Variants in SFI1 observed in about 807,000 individuals in gnomAD.
SFI1 encodes the protein protein SFI1 homolog.
A neutral mutation model predicts 207.5 loss-of-function variants in SFI1; 195 were observed. The observed-to-expected ratio is 0.94, with a 90% CI of 0.84 to 1.06. The LOEUF is 1.06. SFI1 is among the 50% of genes least tolerant of loss of function. SFI1 has a pLI of 0.00. For synonymous variants in SFI1, 630 were observed against 598.9 expected, an observed-to-expected ratio of 1.05 and a Z score of -0.76; for missense variants, 1,634 against 1,588.0, an observed-to-expected ratio of 1.03 and a Z score of -0.49.
chr22:31,551,745 A>G lies in SFI1; in HGVS notation c.544+1397A>G, dbSNP rs138267306. ...TGTGCCTGGCCTTAAGTTTAATTCTATAAGAAACTGGCAAGGTTTTTTATC... is the reference window on the plus strand; with the variant it reads ...TGTGCCTGGCCTTAAGTTTAATTCTGTAAGAAACTGGCAAGGTTTTTTATC... On this transcript the variant is annotated intron_variant, in intron 6 of 32. Transcript: ENST00000400288. Among the ~76,000 whole-genome samples the G allele has an allele frequency of 3.1e-3, 474 of 152,274 alleles. 1 individual carries two copies. Among genetic ancestry groups the G allele is most frequent in the Non-Finnish European group, 5.1e-3 (348 of 68,020 alleles).
At chr22:31,567,101 T>C (rs542667123) in intron 8 of SFI1, among the ~76,000 whole-genome samples, 1 of 152,244 alleles carries the variant, frequency 6.6e-6, no homozygotes, top group South Asian at 2.1e-4. Context: ...GAGACGGGGT[T>C]TCACCGTGTT....
chr22:31,548,349 C>T (rs569638614), intron 5 of SFI1, among the ~76,000 whole-genome samples: 3 of 151,900 alleles, frequency 2.0e-5, no homozygotes, highest in South Asian at 2.1e-4. Context: ...GCGGGTGGAT[C>T]ACTTGACGTT....
chr22:31,614,734 A>AC (rs748141654), intron 27 of SFI1, 55 bp from the exon 28 acceptor site: 6 of 1,586,208 alleles, frequency 3.8e-6, no homozygotes, highest in Non-Finnish European at 4.3e-6. Flanking sequence ...GAGATCTCAG[A>AC]CCCCCCTGCA....
rs2071546527 is a variant in SFI1 at position 31,616,641 on chromosome 22, C to T, written c.3301-104C>T. The T allele has an allele frequency of 4.7e-6, 6 of 1,289,892 alleles. No homozygotes were observed. The Admixed American group carries it at 7.8e-5, about 17-fold the overall frequency. The allele number at this position is 1,289,892 out of a possible 1,614,324, so 79.9% of individuals were successfully genotyped here. On this transcript the variant is annotated intron_variant, in intron 29 of 32. Coordinates refer to ENST00000400288, the MANE Select transcript of SFI1 (RefSeq NM_001007467.3). Reference sequence around the variant, plus strand: ...CAGCTCCTGCAGCTGGGAGCCTGGTCTTCCCCCACCCCTGCAGGGCAGGCA... The same window carrying T: ...CAGCTCCTGCAGCTGGGAGCCTGGTTTTCCCCCACCCCTGCAGGGCAGGCA...
At chr22:31,611,624 T>C (rs2147260821) in intron 23 of SFI1, 142 bp from the exon 24 acceptor site, 5 of 846,508 alleles carry the variant, frequency 5.9e-6, no homozygotes, top group South Asian at 1.8e-5. Context: ...TCCCTGCCTA[T>C]GCAGGAGACC....
chr22:31,500,041 C>G (rs1002859494), intron 1 of SFI1, among the ~76,000 whole-genome samples: 4 of 149,824 alleles, frequency 2.7e-5, no homozygotes, highest in Non-Finnish European at 5.9e-5. Flanking sequence ...CAGTATAATC[C>G]TGCATTACAG....
At chr22:31,585,399 C>G (rs1009464793) in intron 14 of SFI1, among the ~76,000 whole-genome samples, 6 of 152,186 alleles carry the variant, frequency 3.9e-5, no homozygotes, top group Admixed American at 3.9e-4. Flanking sequence ...CATCTTTACT[C>G]AAATTCATTT....
intron 2 of SFI1, 49 bp downstream of exon 2, chr22:31,508,425 A>G (rs780172783): frequency 3.1e-6 from 4 of 1,308,070 alleles, no homozygotes; most frequent in Admixed American, 3.7e-5. Context: ...GATGGTTCAT[A>G]TAAAACTAAA....
chr22:31,547,836 C>G (rs1423335507), intron 5 of SFI1, among the ~76,000 whole-genome samples: 3 of 151,176 alleles, frequency 2.0e-5, no homozygotes, highest in Non-Finnish European at 4.4e-5. Flanking sequence ...TCTCAATCTC[C>G]TGACCTCAGG....
intron 4 of SFI1, among the ~76,000 whole-genome samples, chr22:31,544,044 C>T (rs1214886824): frequency 4.6e-5 from 7 of 152,006 alleles, no homozygotes; most frequent in Non-Finnish European, 7.4e-5. Context: ...AAAAAATTAG[C>T]TCGTTTGGGT....
chr22:31,607,927 C>T lies in SFI1; in HGVS notation c.2158-10C>T, dbSNP rs202117749. 1.2e-6 allele frequency: 2 copies of T among 1,613,224 alleles called. No homozygotes were observed. Among genetic ancestry groups the T allele is most frequent in the Non-Finnish European group, 1.7e-6 (2 of 1,179,302 alleles). ...TAGTGACTCTTGCTGTGCTCCTTGCCTGCCCATAGGTCCTGGTCCAGTGGC... is the reference window on the plus strand; with the variant it reads ...TAGTGACTCTTGCTGTGCTCCTTGCTTGCCCATAGGTCCTGGTCCAGTGGC... On this transcript the variant is annotated splice_polypyrimidine_tract_variant and intron_variant, in intron 21 of 32. Coordinates refer to ENST00000400288, the MANE Select transcript of SFI1 (RefSeq NM_001007467.3).
chr22:31,574,260 G>A (rs2063248662), intron 9 of SFI1, among the ~76,000 whole-genome samples: 1 of 152,200 alleles, frequency 6.6e-6, no homozygotes, highest in Non-Finnish European at 1.5e-5. Flanking sequence ...TATGTTCATT[G>A]GAGGATAGTG....
chr22:31,568,698 C>G (rs1201527772), intron 8 of SFI1, among the ~76,000 whole-genome samples: 1 of 151,810 alleles, frequency 6.6e-6, no homozygotes, highest in African/African-American at 2.4e-5. Flanking sequence ...AGACAAGATA[C>G]ACCTAGGACT....
chr22:31,613,961 G>A (rs546109383), intron 27 of SFI1, 106 bp downstream of exon 27: 97 of 1,390,668 alleles, frequency 7.0e-5, no homozygotes, highest in Non-Finnish European at 8.2e-5. Context: ...GGCTGGTCAC[G>A]GCCTTGTCAC....
chr22:31,546,836 AT>A, intron 4 of SFI1, 24 bp from the exon 5 acceptor site: 1 of 1,424,566 alleles, frequency 7.0e-7, no homozygotes, highest in Non-Finnish European at 9.8e-7. Flanking sequence ...CATCATATAT[AT>A]ATATGATTTT....
intron 20 of SFI1, 48 bp from the exon 21 acceptor site, chr22:31,606,280 C>A: frequency 6.5e-7 from 1 of 1,547,780 alleles, no homozygotes; most frequent in Non-Finnish European, 8.9e-7. Flanking sequence ...CCTCCCTTCT[C>A]TCTCTATCCT....
At chr22:31,563,783 C>G (rs2061974193) in intron 8 of SFI1, among the ~76,000 whole-genome samples, 1 of 151,658 alleles carries the variant, frequency 6.6e-6, no homozygotes, top group Admixed American at 6.6e-5. Flanking sequence ...CGGGGTTTTG[C>G]CATGTTGGCC....
chr22:31,553,529 AT>A (rs71202096), intron 6 of SFI1, among the ~76,000 whole-genome samples: 15,974 of 82,608 alleles, frequency 0.19, 890 homozygotes, highest in Middle Eastern at 0.28. Context: ...TAATTTTTGT[AT>A]TTTTTTTTTT....
At chr22:31,604,690 G>A in intron 19 of SFI1, 179 bp from the exon 20 acceptor site, 1 of 604,862 alleles carries the variant, frequency 1.7e-6, no homozygotes. Flanking sequence ...CTGTGAGACA[G>A]TTTCTCCCTG....
Sources: allele counts gnomAD v4.1 joint callset (sites outside exome capture counted in the v4.1 genomes callset), GRCh38; gene constraint gnomAD v4.1.1; transcripts MANE v1.5; gene names NCBI Gene and HGNC (gene_info 2026-07-23, HGNC 2026-07-21).